The following PFKFB3 variants were observed in gnomAD, a reference collection of about 807,000 sequenced individuals.
The protein encoded by PFKFB3 is 6-phosphofructo-2-kinase/fructose-2,6-bisphosphatase 3.
PFKFB3 carries 33 observed loss-of-function variants against 68.0 expected under a neutral mutation model. That is an observed-to-expected ratio of 0.49 (90% CI 0.37 to 0.65). The LOEUF (loss-of-function observed/expected upper bound fraction) is 0.65, where lower values mean the gene tolerates loss of function less well. Ranked by LOEUF, PFKFB3 falls within the 30% of genes least tolerant of loss-of-function variation. The pLI, the probability that PFKFB3 is intolerant of heterozygous loss-of-function variation, is 0.00. For missense variants in PFKFB3, 586 were observed against 712.2 expected, an observed-to-expected ratio of 0.82 and a Z score of 2.02; for synonymous variants, 315 against 288.2, an observed-to-expected ratio of 1.09 and a Z score of -0.94.
intron 1 of PFKFB3, among the ~76,000 whole-genome samples, chr10:6,152,756 C>G (rs149181817): frequency 1.3e-5 from 2 of 152,148 alleles, no homozygotes; most frequent in African/African-American, 2.4e-5. Context: ...AGGCATGTGC[C>G]TGTAGTGCCA....
At chr10:6,210,522 G>A (rs1468925733) in intron 1 of PFKFB3, among the ~76,000 whole-genome samples, 4 of 112,180 alleles carry the variant, frequency 3.6e-5, no homozygotes, top group African/African-American at 8.1e-5. Flanking sequence ...CAACATGGCC[G>A]GCTAATTTTT....
At chr10:6,209,438 A>G (rs1844010093) in intron 1 of PFKFB3, among the ~76,000 whole-genome samples, 1 of 152,122 alleles carries the variant, frequency 6.6e-6, no homozygotes, top group Non-Finnish European at 1.5e-5. Context: ...ATGAGACACA[A>G]ATACTCTTTG....
intron 1 of PFKFB3, among the ~76,000 whole-genome samples, chr10:6,162,386 G>A (rs1336184100): frequency 6.6e-6 from 1 of 152,104 alleles, no homozygotes; most frequent in Non-Finnish European, 1.5e-5. Context: ...TCAATTCTTT[G>A]GGGTGTGTAT....
rs534786008 is a variant in PFKFB3 at position 6,208,970 on chromosome 10, C to T, written c.77-4653C>T. Among the ~76,000 whole-genome samples, 8 of 152,322 alleles carry T rather than the reference C, an allele frequency of 5.3e-5. No individual in the cohort carries two copies. In the South Asian group the frequency reaches 8.3e-4, roughly 16 times the overall value. ...TCTCCGTTGTACACTAATGGTACTG[C>T]GGGCTTGTAGACAGCCAGGGCTTAG... On this transcript the variant is annotated intron_variant, in intron 1 of 14. Transcript: ENST00000379775.
the PFKFB3 span, among the ~76,000 whole-genome samples, chr10:6,260,210 G>A: frequency 1.3e-5 from 2 of 151,934 alleles, no homozygotes; most frequent in Non-Finnish European, 2.9e-5. Context: ...TCAGGAGATC[G>A]AGACCATCCT....
At chr10:6,169,016 G>GCACGATCTCAGC (rs143686262) in intron 1 of PFKFB3, among the ~76,000 whole-genome samples, 74,112 of 151,852 alleles carry the variant, frequency 0.49, 18,689 homozygotes, top group South Asian at 0.63. Context: ...GAGTGCACTG[G>GCACGATCTCAGC]TCACTGCAAC....
chr10:6,213,914 C>G (rs1267583784), intron 2 of PFKFB3, among the ~76,000 whole-genome samples, 166 bp downstream of exon 2: 1 of 152,198 alleles, frequency 6.6e-6, no homozygotes, highest in South Asian at 2.1e-4. Context: ...TGTGTCTACA[C>G]CCTTTTTCTT....
At chr10:6,322,292 C>G in the PFKFB3 span, among the ~76,000 whole-genome samples, 1 of 152,160 alleles carries the variant, frequency 6.6e-6, no homozygotes, top group Admixed American at 6.5e-5. Flanking sequence ...ATTCGGCATT[C>G]GGCGACCTCC....
chr10:6,186,530 T>C (rs530738231), intron 1 of PFKFB3, among the ~76,000 whole-genome samples: 34 of 152,372 alleles, frequency 2.2e-4, no homozygotes, highest in African/African-American at 7.7e-4. Flanking sequence ...ACATGCTATT[T>C]AGTTATCAGG....
rs1033778479 is a variant in PFKFB3, at chr10:6,144,967, G to C, written c.-31G>C. The C allele has an allele frequency of 6.6e-5, 84 of 1,282,258 alleles. No homozygotes were observed. The African/African-American group carries it at 1.2e-3, about 18-fold the overall frequency. The allele number at this position is 1,282,258 out of a possible 1,614,324, so 79.4% of individuals were successfully genotyped here. A position where few individuals can be genotyped will look rare whatever the true frequency, so the allele number is the denominator to read the frequency against. ...GACGTCGTCCTGTCTGGGTGTCGCG[G>C]GCCGGCCCCGCGGGGAGCGCCCCCG... is the stretch of plus-strand genomic sequence containing the variant. On this transcript the variant is annotated 5_prime_UTR_variant, in exon 1 of 15. Coordinates refer to the PFKFB3 transcript ENST00000379789.
Position 6,228,007 on chromosome 10 carries a change from GCAGGGGCTGCATCCTCCTGTCCGCTT to G in PFKFB3, c.1515+1646_1515+1671del, listed in dbSNP as rs1444157258. On this transcript the variant is annotated intron_variant, in intron 14 of 14. Coordinates refer to ENST00000379775, the MANE Select transcript of PFKFB3 (RefSeq NM_004566.4). The surrounding 1 kb of genome is among the most constrained non-coding windows in gnomAD (Gnocchi z 4.5). ...GACCTCCGTCGTGGAGGACGCAGTG[GCAGGGGCTGCATCCTCCTGTCCGCTT>G]CAGAGCTGCCCCTGGCGTTGGGAGG... Among the ~76,000 whole-genome samples the G allele has an allele frequency of 6.6e-6, 1 of 152,326 alleles. No homozygotes were observed. The highest frequency in any genetic ancestry group is 2.1e-4 in the South Asian group (1 of 4,822).
the PFKFB3 span, among the ~76,000 whole-genome samples, chr10:6,285,248 T>C: frequency 6.6e-6 from 1 of 152,102 alleles, no homozygotes; most frequent in African/African-American, 2.4e-5. Context: ...TGTCTTTTTT[T>C]TTGAGATGGA....
intron 1 of PFKFB3, among the ~76,000 whole-genome samples, chr10:6,169,393 TAGTG>T (rs1015380161): frequency 6.6e-6 from 1 of 152,230 alleles, no homozygotes; most frequent in African/African-American, 2.4e-5. Flanking sequence ...GTCTTAATTT[TAGTG>T]AGCAAGGGGC....
intron 14 of PFKFB3, among the ~76,000 whole-genome samples, chr10:6,230,008 G>A (rs886500085): frequency 3.3e-5 from 5 of 152,170 alleles, no homozygotes; most frequent in Non-Finnish European, 5.9e-5. Flanking sequence ...ACAGCCCAGG[G>A]GTTAGGGACC....
At chr10:6,213,443 C>T (rs192613478) in intron 1 of PFKFB3, among the ~76,000 whole-genome samples, 180 bp from the exon 2 acceptor site, 65 of 152,332 alleles carry the variant, frequency 4.3e-4, no homozygotes, top group Admixed American at 7.2e-4. Context: ...TTGTTTAAGT[C>T]TAGAGGTTTG....
chr10:6,244,883 A>G (rs1449026936), intron 14 of PFKFB3, among the ~76,000 whole-genome samples: 2 of 152,212 alleles, frequency 1.3e-5, no homozygotes, highest in Non-Finnish European at 2.9e-5. Flanking sequence ...AGTTCATTTT[A>G]TAAGATATGA....
the PFKFB3 span, among the ~76,000 whole-genome samples, chr10:6,294,419 G>A: frequency 6.6e-6 from 1 of 152,302 alleles, no homozygotes; most frequent in African/African-American, 2.4e-5. Context: ...TGTCTTATAT[G>A]GCAGCAGGCA....
At chr10:6,252,362 A>G (rs771990098) in intron 14 of PFKFB3, among the ~76,000 whole-genome samples, 3 of 152,218 alleles carry the variant, frequency 2.0e-5, no homozygotes, top group Non-Finnish European at 2.9e-5. Context: ...AATAGTGTAT[A>G]CTTGTGGATT....
intron 1 of PFKFB3, among the ~76,000 whole-genome samples, chr10:6,192,822 AC>A (rs1440733042): frequency 6.6e-6 from 1 of 152,134 alleles, no homozygotes; most frequent in Non-Finnish European, 1.5e-5. Flanking sequence ...TTGCACAGTT[AC>A]AAAAAGTGCT....
Sources: allele counts gnomAD v4.1 joint callset (sites outside exome capture counted in the v4.1 genomes callset), GRCh38; gene constraint gnomAD v4.1.1; non-coding constraint Gnocchi (gnomAD v3.1); transcripts MANE v1.5; gene names NCBI Gene and HGNC (gene_info 2026-07-23, HGNC 2026-07-21).